The following C17orf99 variants were observed in gnomAD, a reference collection of about 807,000 sequenced individuals.
C17orf99 encodes chromosome 17 open reading frame 99.
C17orf99 carries 18 observed loss-of-function variants against 22.6 expected under a neutral mutation model. That is an observed-to-expected ratio of 0.80 (90% CI 0.55 to 1.18). The LOEUF is 1.18. Ranked by LOEUF, C17orf99 falls within the 50% of genes most tolerant of loss-of-function variation. C17orf99 has a pLI of 0.00. For synonymous variants in C17orf99, 147 were observed against 136.6 expected (o/e 1.08, Z -0.53); for missense variants, 328 against 342.7 (o/e 0.96, Z 0.34).
rs533446524 is a variant in C17orf99 at position 78,160,901 on chromosome 17, G to A, written c.71-54G>A. ...CTGGCCAAACCAGTACCTTCTTAAG[G>A]TGCTTGATCAATGTCGGTTTCTTTC... On this transcript the variant is annotated intron_variant, in intron 2 of 4. Transcript: ENST00000340363. 19 of 1,446,930 alleles carry A rather than the reference G, an allele frequency of 1.3e-5. No individual in the cohort carries two copies. In the South Asian group the frequency reaches 1.6e-4, roughly 12 times the overall value. 89.6% of individuals were successfully genotyped at this position (1,446,930 alleles called of 1,614,324 possible). A position where few individuals can be genotyped will look rare whatever the true frequency, so the allele number is the denominator to read the frequency against.
rs754133552 is a variant in C17orf99 at position 78,146,511 on chromosome 17, G to T, written c.37+67G>T. On this transcript the variant is annotated intron_variant, in intron 1 of 4. Transcript: ENST00000340363. This position sits in a 1 kb window ranked among gnomAD's most constrained non-coding sequence, Gnocchi z 5.2. Reference sequence around the variant, plus strand: ...CCTTGAGGTCTTGGGCTCAGGTGGGGGTACTGGGAGCACAGGAGAGATGAG... The same window carrying T: ...CCTTGAGGTCTTGGGCTCAGGTGGGTGTACTGGGAGCACAGGAGAGATGAG... 5.7e-6 allele frequency: 8 copies of T among 1,411,212 alleles called. No homozygotes were observed. The highest frequency in any genetic ancestry group is 7.8e-6 in the Non-Finnish European group (8 of 1,025,136). 87.4% of individuals were successfully genotyped at this position (1,411,212 alleles called of 1,614,324 possible). A position where few individuals can be genotyped will look rare whatever the true frequency, so the allele number is the denominator to read the frequency against.
chr17:78,152,825 T>G (rs112769772), intron 2 of C17orf99, among the ~76,000 whole-genome samples: 3,368 of 151,896 alleles, frequency 0.022, 60 homozygotes, highest in Non-Finnish European at 0.034. Context: ...CTCACGCCTA[T>G]AATCCCAGCA....
At chr17:78,160,783 A>C (rs7225593) in intron 2 of C17orf99, 172 bp from the exon 3 acceptor site, 3 of 607,146 alleles carry the variant, frequency 4.9e-6, no homozygotes, top group Non-Finnish European at 8.7e-6. Context: ...GACTTTCACC[A>C]TGTTGGCTAC....
Position 78,146,972 on chromosome 17 carries a change from C to T in C17orf99, c.70+61C>T. 6.8e-7 allele frequency: 1 copy of T among 1,466,870 alleles called. No individual in the cohort carries two copies. 90.9% of individuals were successfully genotyped at this position (1,466,870 alleles called of 1,614,324 possible). ...CAGCTGGGACCCTGGTGTCAGAACC[C>T]CCATGGTGGAGGGCGCCTCGGCTGG... On this transcript the variant is annotated intron_variant, in intron 2 of 4. Transcript: ENST00000340363. The surrounding 1 kb of genome is among the most constrained non-coding windows in gnomAD (Gnocchi z 5.2).
At chr17:78,151,755 A>G (rs2075485510) in intron 2 of C17orf99, among the ~76,000 whole-genome samples, 1 of 152,166 alleles carries the variant, frequency 6.6e-6, no homozygotes, top group Admixed American at 6.5e-5. Flanking sequence ...ATTTCCAAAT[A>G]TGTTCCCATG....
At chr17:78,149,006 C>CATGGG (rs898075511) in intron 2 of C17orf99, among the ~76,000 whole-genome samples, 5 of 151,832 alleles carry the variant, frequency 3.3e-5, no homozygotes, top group Admixed American at 1.3e-4. Flanking sequence ...TGGCAGATGG[C>CATGGG]ATGGGATGGG....
chr17:78,160,240 T>C (rs946573256), intron 2 of C17orf99: 2 of 414,570 alleles, frequency 4.8e-6, no homozygotes, highest in African/African-American at 4.2e-5. Context: ...GCAGGTTTGT[T>C]ATAGAAGTAA....
intron 2 of C17orf99, chr17:78,160,015 G>A (rs1360556685): frequency 1.3e-5 from 6 of 450,284 alleles, no homozygotes; most frequent in East Asian, 1.4e-4. Context: ...GGTGAATCAC[G>A]CTGCCATGAG....
chr17:78,158,724 C>T (rs758392444), intron 2 of C17orf99: 3 of 166,636 alleles, frequency 1.8e-5, no homozygotes, highest in African/African-American at 7.2e-5. Context: ...GGGGAAGCTG[C>T]CCTCCTCTTC....
rs561535386 is a variant in C17orf99 at position 78,147,915 on chromosome 17, C to CCAAG, written c.70+1005_70+1008dup. 1.5e-4 allele frequency among the ~76,000 whole-genome samples: 23 copies of CCAAG among 152,304 alleles called. No individual in the cohort carries two copies. The South Asian group carries it at 4.6e-3, about 30-fold the overall frequency. On this transcript the variant is annotated intron_variant, in intron 2 of 4. Coordinates refer to ENST00000340363, the MANE Select transcript of C17orf99 (RefSeq NM_001163075.2). ...TCCCGACTTCTCTGATTCTTGCCAA[C>CCAAG]CAAGTCCTGCTAACTAAACTCCTAA... is the stretch of plus-strand genomic sequence containing the variant.
chr17:78,146,090 G>C (rs1004398836), upstream of C17orf99, among the ~76,000 whole-genome samples: 3 of 152,128 alleles, frequency 2.0e-5, no homozygotes, highest in Non-Finnish European at 4.4e-5. The surrounding 1 kb of genome is among the most constrained non-coding windows in gnomAD (Gnocchi z 5.2). Flanking sequence ...GCCCCGCGGA[G>C]CATGGACACC....
At chr17:78,162,867 C>A (rs1001806232) in intron 3 of C17orf99, among the ~76,000 whole-genome samples, 3 of 152,196 alleles carry the variant, frequency 2.0e-5, no homozygotes, top group East Asian at 1.9e-4. Flanking sequence ...CTCACCGCAA[C>A]CTCCGCCTCC....
intron 2 of C17orf99, among the ~76,000 whole-genome samples, chr17:78,153,708 G>C (rs942905453): frequency 6.6e-6 from 1 of 151,996 alleles, no homozygotes; most frequent in African/African-American, 2.4e-5. Context: ...ACTTCCCCAC[G>C]TGAGGCAGGC....
At chr17:78,164,554 G>GC (rs1456750301) in intron 4 of C17orf99, 190 bp downstream of exon 4, 22 of 1,533,042 alleles carry the variant, frequency 1.4e-5, no homozygotes, top group Non-Finnish European at 1.9e-5. Context: ...AGCTGCCTCC[G>GC]CCCCCTCCCA....
At chr17:78,151,939 G>A (rs564825224) in intron 2 of C17orf99, among the ~76,000 whole-genome samples, 1 of 152,132 alleles carries the variant, frequency 6.6e-6, no homozygotes, top group Non-Finnish European at 1.5e-5. Flanking sequence ...ACAGAGACCA[G>A]TCTGGAGAGG....
Position 78,146,881 on chromosome 17 carries a change from G to A in C17orf99, c.40G>A (p.Ala14Thr). Reference sequence around the variant, plus strand: ...TATCGCCCTTACCTCTCTTACAGCTGCCAGCAGCTTCTCCAAGGCACGGGA... The same window carrying A: ...TATCGCCCTTACCTCTCTTACAGCTACCAGCAGCTTCTCCAAGGCACGGGA... ...PGLFCLAVLA[A>T]SSFSKAREEE... The change falls in exon 2 of 5, where the codon GCC becomes ACC. Residue 14 changes from alanine (A) to threonine (T), a missense_variant and splice_region_variant. Coordinates refer to ENST00000340363, the MANE Select transcript of C17orf99 (RefSeq NM_001163075.2). The surrounding 1 kb of genome is among the most constrained non-coding windows in gnomAD (Gnocchi z 5.2). 6.4e-7 allele frequency: 1 copy of A among 1,551,440 alleles called. No individual in the cohort carries two copies. The highest frequency in any genetic ancestry group is 1.2e-5 in the South Asian group (1 of 84,024).
At chr17:78,150,659 G>A (rs1230924690) in intron 2 of C17orf99, among the ~76,000 whole-genome samples, 1 of 152,176 alleles carries the variant, frequency 6.6e-6, no homozygotes, top group South Asian at 2.1e-4. Flanking sequence ...CTTTGTCCTA[G>A]CCCCATGACA....
At chr17:78,146,222 G>A, upstream of C17orf99, 2 of 560,798 alleles carry the variant, frequency 3.6e-6, no homozygotes, top group African/African-American at 3.8e-5. This position sits in a 1 kb window ranked among gnomAD's most constrained non-coding sequence, Gnocchi z 5.2. Context: ...GGAGTTTGCT[G>A]TACCGGGCCT....
In C17orf99 at chr17:78,161,066, C is replaced by T. The variant is rs1043472476; in HGVS notation, c.182C>T (p.Ser61Phe). Residue 61 changes from serine to phenylalanine, a missense_variant, in exon 3 of 5, where the codon TCC becomes TTC. Coordinates refer to ENST00000340363, the MANE Select transcript of C17orf99 (RefSeq NM_001163075.2). ...APQPPPPITYSLCGTKNIKVA... is the reference protein window; with the variant it reads ...APQPPPPITYFLCGTKNIKVA... Reference sequence around the variant, plus strand: ...CAGCCACCACCGCCCATCACCTATTCCCTCTGTGGAACCAAGAACATCAAG... The same window carrying T: ...CAGCCACCACCGCCCATCACCTATTTCCTCTGTGGAACCAAGAACATCAAG... 7.7e-6 allele frequency: 12 copies of T among 1,551,674 alleles called. No homozygotes were observed. In the African/African-American group the frequency reaches 1.4e-4, roughly 18 times the overall value.
Sources: gnomAD v4.1 joint callset for allele counts (sites outside exome capture counted in the v4.1 genomes callset) on GRCh38, gnomAD v4.1.1 for gene constraint, Gnocchi (gnomAD v3.1) non-coding constraint, MANE v1.5 for transcripts, NCBI Gene and HGNC (gene_info 2026-07-23, HGNC 2026-07-21) for gene names.